L3MBTL4: variants seen among roughly 807,000 people sequenced by gnomAD.
The protein encoded by L3MBTL4 is L3MBTL histone methyl-lysine binding protein 4.
Under a neutral mutation model 84.5 loss-of-function variants are expected in L3MBTL4, and 70 were observed. The observed-to-expected ratio is 0.83, with a 90% CI of 0.68 to 1.01. L3MBTL4 has a LOEUF of 1.01. Ranked by LOEUF, L3MBTL4 falls within the 50% of genes least tolerant of loss-of-function variation. The pLI, the probability that L3MBTL4 is intolerant of heterozygous loss-of-function variation, is 0.00. For synonymous variants in L3MBTL4, 274 were observed against 259.8 expected, an observed-to-expected ratio of 1.05 and a Z score of -0.52; for missense variants, 715 against 754.8, an observed-to-expected ratio of 0.95 and a Z score of 0.62.
intron 15 of L3MBTL4, among the ~76,000 whole-genome samples, chr18:6,092,325 G>A (rs535663560): frequency 2.0e-5 from 3 of 152,178 alleles, no homozygotes; most frequent in South Asian, 2.1e-4. Context: ...CAAATTCTCC[G>A]AATAAACTGG....
intron 1 of L3MBTL4, among the ~76,000 whole-genome samples, chr18:6,318,923 T>C (rs2051263723): frequency 6.6e-6 from 1 of 152,098 alleles, no homozygotes; most frequent in African/African-American, 2.4e-5. Context: ...CAAAATCATA[T>C]TAAGTATCTT....
chr18:6,364,548 C>T (rs184845412), intron 1 of L3MBTL4, among the ~76,000 whole-genome samples: 74 of 152,000 alleles, frequency 4.9e-4, no homozygotes, highest in African/African-American at 1.6e-3. Flanking sequence ...TTGTTACCTC[C>T]GAAGTAAAAG....
At chr18:6,216,428 A>G (rs112538169) in intron 10 of L3MBTL4, among the ~76,000 whole-genome samples, 5,335 of 152,088 alleles carry the variant, frequency 0.035, 319 homozygotes, top group African/African-American at 0.12. Context: ...TTTGCTAGAG[A>G]TCTATATAGT....
intron 16 of L3MBTL4, among the ~76,000 whole-genome samples, chr18:5,995,167 T>C (rs914605081): frequency 2.0e-5 from 3 of 152,264 alleles, no homozygotes; most frequent in Admixed American, 1.3e-4. Context: ...TCACCATCTG[T>C]GCTTTCCACA....
At chr18:6,131,880 G>GATTATGAATGAT (rs1407225723) in intron 14 of L3MBTL4, among the ~76,000 whole-genome samples, 5 of 152,114 alleles carry the variant, frequency 3.3e-5, no homozygotes, top group African/African-American at 1.2e-4. Flanking sequence ...AAAATGCAGG[G>GATTATGAATGAT]ATTATGAATG....
At chr18:6,029,650 A>G in intron 16 of L3MBTL4, 1 of 985,336 alleles carries the variant, frequency 1.0e-6, no homozygotes, top group Non-Finnish European at 1.2e-6. Context: ...CAATTACAGG[A>G]CAGGAAATAT....
rs891117833 is a variant in L3MBTL4, at chr18:6,076,654, T to C, written c.1444+4227A>G. Among the ~76,000 whole-genome samples, 3 of 146,430 alleles carry C rather than the reference T, an allele frequency of 2.0e-5. No homozygotes were observed. In the East Asian group the frequency reaches 6.1e-4, roughly 30 times the overall value. The stretch of plus-strand genomic sequence containing the variant: ...GAAAAGCTGATTGTAGATCACCAAA[T>C]ATAATATGATTCTGCACTGGTAAAA... On this transcript the variant is annotated intron_variant, in intron 16 of 18. Transcript: ENST00000317931.
At chr18:6,322,371 A>G (rs1029121104) in intron 1 of L3MBTL4, among the ~76,000 whole-genome samples, 3 of 151,310 alleles carry the variant, frequency 2.0e-5, no homozygotes, top group African/African-American at 7.3e-5. Context: ...AGAGGAAAGA[A>G]AAAGAAAAAG....
chr18:6,366,724 A>C (rs143702900), intron 1 of L3MBTL4, among the ~76,000 whole-genome samples: 1 of 152,240 alleles, frequency 6.6e-6, no homozygotes, highest in African/African-American at 2.4e-5. Context: ...ATGTTGTGAC[A>C]GGAAAACTCA....
At chr18:6,372,206 C>T (rs1162373338) in intron 1 of L3MBTL4, among the ~76,000 whole-genome samples, 2 of 152,238 alleles carry the variant, frequency 1.3e-5, no homozygotes, top group African/African-American at 4.8e-5. Flanking sequence ...AAAGTGGTGG[C>T]TGCCCCTGCC....
chr18:6,013,674 G>A lies in L3MBTL4; in HGVS notation c.1445-44112C>T, dbSNP rs140352758. On this transcript the variant is annotated intron_variant, in intron 16 of 18. Coordinates refer to ENST00000317931, the MANE Select transcript of L3MBTL4 (RefSeq NM_001330559.2). The stretch of plus-strand genomic sequence containing the variant: ...GTACTGCATATGCCTGCCTTTCAGG[G>A]GTCTTGCAATTCGAATTTTGCATGA... 3.9e-5 allele frequency among the ~76,000 whole-genome samples: 6 copies of A among 152,194 alleles called. No homozygotes were observed. The East Asian group carries it at 1.2e-3, about 29-fold the overall frequency.
chr18:6,004,596 C>T (rs74445520), intron 16 of L3MBTL4, among the ~76,000 whole-genome samples: 135 of 152,136 alleles, frequency 8.9e-4, no homozygotes, highest in Middle Eastern at 3.4e-3. Flanking sequence ...TGTAGAAAAC[C>T]GAAGAAATCC....
intron 18 of L3MBTL4, among the ~76,000 whole-genome samples, 167 bp from the exon 19 acceptor site, chr18:5,956,554 C>G (rs1479018493): frequency 2.0e-5 from 3 of 152,170 alleles, no homozygotes; most frequent in Non-Finnish European, 4.4e-5. Context: ...TAGTTACAAC[C>G]ATTGCTCCAC....
rs749550977 is a variant in L3MBTL4 at position 6,046,774 on chromosome 18, T to C, written c.1444+34107A>G. The C allele has an allele frequency of 1.0e-5, 8 of 775,454 alleles. No homozygotes were observed. The South Asian group carries it at 1.1e-4, about 11-fold the overall frequency. 48.0% of individuals were successfully genotyped at this position (775,454 alleles called of 1,614,324 possible). On this transcript the variant is annotated intron_variant, in intron 16 of 18. Transcript: ENST00000317931. The stretch of plus-strand genomic sequence containing the variant: ...CAAGCACTGTGAAGAGAAAAGTTTA[T>C]GACATAAACACTTACCTCAAAAAGT...
At chr18:5,958,109 GAAGAAGAAGAAGAAGAAGAAA>G (rs1481467146) in intron 18 of L3MBTL4, among the ~76,000 whole-genome samples, 2,381 of 92,472 alleles carry the variant, frequency 0.026, 48 homozygotes, top group Middle Eastern at 0.055. Context: ...AGAAGAAGAA[GAAGAAGAAGAAGAAGAAGAAA>G]AAGAAGAAGA....
intron 16 of L3MBTL4, among the ~76,000 whole-genome samples, chr18:6,041,272 C>G (rs2056385879): frequency 2.0e-5 from 3 of 152,230 alleles, no homozygotes; most frequent in Admixed American, 1.3e-4. Flanking sequence ...ATCTACCTTA[C>G]TGCCCAGGTG....
At chr18:6,140,498 C>T (rs1303782342) in intron 13 of L3MBTL4, among the ~76,000 whole-genome samples, 1 of 152,172 alleles carries the variant, frequency 6.6e-6, no homozygotes, top group Non-Finnish European at 1.5e-5. Flanking sequence ...CACACTGCCA[C>T]TGGCCTGCAC....
At chr18:6,159,037 T>C (rs1237313593) in intron 13 of L3MBTL4, among the ~76,000 whole-genome samples, 1 of 152,172 alleles carries the variant, frequency 6.6e-6, no homozygotes, top group Non-Finnish European at 1.5e-5. Context: ...GAGCTGCTGA[T>C]GATCAGGAAT....
chr18:6,143,864 A>G (rs907026468), intron 13 of L3MBTL4, among the ~76,000 whole-genome samples: 2 of 152,200 alleles, frequency 1.3e-5, no homozygotes, highest in African/African-American at 4.8e-5. Flanking sequence ...CAGATAATAG[A>G]TACTCAACAA....
Sources: gnomAD v4.1 joint callset for allele counts (sites outside exome capture counted in the v4.1 genomes callset) on GRCh38, gnomAD v4.1.1 for gene constraint, MANE v1.5 for transcripts, NCBI Gene and HGNC (gene_info 2026-07-23, HGNC 2026-07-21) for gene names.